Variants in SLC25A25 observed in about 807,000 individuals in gnomAD.
SLC25A25 encodes the protein solute carrier family 25 member 25.
Under a neutral mutation model 57.7 loss-of-function variants are expected in SLC25A25, and 32 were observed. The ratio of observed to expected loss-of-function variants is 0.55; its 90% CI spans 0.42 to 0.74. SLC25A25 has a LOEUF of 0.74. Ranked by LOEUF, SLC25A25 falls within the 30% of genes least tolerant of loss-of-function variation. The pLI is 0.00. For synonymous variants in SLC25A25, 306 were observed against 291.2 expected (o/e 1.05, Z -0.52); for missense variants, 556 against 701.3 (o/e 0.79, Z 2.34).
intron 1 of SLC25A25, among the ~76,000 whole-genome samples, chr9:128,100,081 C>CCCACCACTT (rs1252423909): frequency 2.0e-5 from 3 of 152,140 alleles, no homozygotes; most frequent in Non-Finnish European, 2.9e-5. Flanking sequence ...TTGCATCCCG[C>CCCACCACTT]CCACCACTTC....
chr9:128,102,445 C>T lies in SLC25A25; in HGVS notation c.588C>T (p.Asn196=). ...ACCACCTCCTCCACCCCGTGGAAAA[C>T]ATCCCCGAGATCATCCTCTACTGGA... is the stretch of plus-strand genomic sequence containing the variant. The part of the protein sequence containing the change: ...RDYHLLHPVE[N]IPEIILYWKH... Residue 196 remains asparagine, a synonymous_variant, in exon 5 of 11, where the codon AAC becomes AAT. Transcript: ENST00000373069. The surrounding 1 kb of genome is among the most constrained non-coding windows in gnomAD (Gnocchi z 4.1). 6.2e-7 allele frequency: 1 copy of T among 1,614,028 alleles called. No individual in the cohort carries two copies. The highest frequency in any genetic ancestry group is 8.5e-7 in the Non-Finnish European group (1 of 1,179,966).
Position 128,098,872 on chromosome 9 carries a change from C to T in SLC25A25, c.262-2224C>T, listed in dbSNP as rs544709597. The T allele has an allele frequency of 9.4e-6, 14 of 1,484,526 alleles. No homozygotes were observed. The East Asian group carries it at 2.1e-4, about 22-fold the overall frequency. The allele number at this position is 1,484,526 out of a possible 1,614,324, so 92.0% of individuals were successfully genotyped here. On this transcript the variant is annotated intron_variant, in intron 1 of 10. Transcript: ENST00000373069. ...TTTCCCATTGCCATGCGGCTATGGC[C>T]GGCACGTGTACGTCACAGGAGTGAC...
At chr9:128,088,619 A>G (rs527273785) in intron 1 of SLC25A25, among the ~76,000 whole-genome samples, 3 of 152,300 alleles carry the variant, frequency 2.0e-5, no homozygotes, top group Non-Finnish European at 2.9e-5. Context: ...CATTGTATAC[A>G]TTTCTCAGGA....
chr9:128,078,008 A>G (rs914408910), intron 1 of SLC25A25, among the ~76,000 whole-genome samples: 3 of 151,706 alleles, frequency 2.0e-5, no homozygotes, highest in Non-Finnish European at 4.4e-5. Flanking sequence ...TCTGGTCAAC[A>G]GAGTGAGACT....
chr9:128,093,012 T>C (rs1833454189), intron 1 of SLC25A25, among the ~76,000 whole-genome samples: 1 of 152,252 alleles, frequency 6.6e-6, no homozygotes, highest in Admixed American at 6.5e-5. Flanking sequence ...TCAATCTTTT[T>C]ACTTAGGAGA....
rs762703146 is a variant in SLC25A25, at chr9:128,106,404, C to T, written c.1096C>T (p.Leu366=). 3 of 1,613,642 alleles carry T rather than the reference C, an allele frequency of 1.9e-6. No individual in the cohort carries two copies. Among genetic ancestry groups the T allele is most frequent in the African/African-American group, 2.7e-5 (2 of 74,930 alleles). The change falls in exon 9 of 11, where the codon CTG becomes TTG. Residue 366 remains leucine, a synonymous_variant. Coordinates refer to ENST00000373069, the MANE Select transcript of SLC25A25 (RefSeq NM_001330988.2). ...LRKTGQYSGM[L]DCARRILARE... ...GAAGACAGGCCAGTACTCAGGAATGCTGGACTGCGCCAGGAGGATCCTGGC... is the reference window on the plus strand; with the variant it reads ...GAAGACAGGCCAGTACTCAGGAATGTTGGACTGCGCCAGGAGGATCCTGGC...
chr9:128,102,539 A>G lies in SLC25A25; in HGVS notation c.624+58A>G, dbSNP rs1588787210. On this transcript the variant is annotated intron_variant, in intron 5 of 10. Coordinates refer to ENST00000373069, the MANE Select transcript of SLC25A25 (RefSeq NM_001330988.2). This position sits in a 1 kb window ranked among gnomAD's most constrained non-coding sequence, Gnocchi z 4.1. ...TCCCAGGGACCCTTAGCCCAGAGTC[A>G]CCCAGTCGTCCCCATCCCAGAGTGC... The G allele has an allele frequency of 7.1e-7, 1 of 1,415,692 alleles. No homozygotes were observed. The allele number at this position is 1,415,692 out of a possible 1,614,324, so 87.7% of individuals were successfully genotyped here.
rs1834122017 is a variant in SLC25A25, at chr9:128,107,966, C to T, written c.*522C>T. 2 of 398,940 alleles carry T rather than the reference C, an allele frequency of 5.0e-6. No homozygotes were observed. The highest frequency in any genetic ancestry group is 2.1e-5 in the African/African-American group (1 of 48,650). 24.7% of individuals were successfully genotyped at this position (398,940 alleles called of 1,614,324 possible). ...GGTGAGGTCACGTGGCCTCCCAGGC[C>T]TGACTTCCCAACCTACAGCATTGAC... On this transcript the variant is annotated 3_prime_UTR_variant, in exon 11 of 11. Coordinates refer to ENST00000373069, the MANE Select transcript of SLC25A25 (RefSeq NM_001330988.2).
At position 128,101,162 on chromosome 9, in the gene SLC25A25, C is replaced by A; in HGVS notation, c.328C>A (p.Leu110Ile). The A allele has an allele frequency of 6.2e-7, 1 of 1,614,236 alleles. No homozygotes were observed. Among genetic ancestry groups the A allele is most frequent in the Non-Finnish European group, 8.5e-7 (1 of 1,180,054 alleles). The change falls in exon 2 of 11, where the codon CTC becomes ATC. Residue 110 changes from leucine (L) to isoleucine (I), a missense_variant. Leu to Ile is a conservative substitution (Grantham distance 5). This residue lies in a region of SLC25A25 where 248 missense variants were observed against 273.5 expected (regional missense o/e 0.91). Transcript: ENST00000373069. This position sits in a 1 kb window ranked among gnomAD's most constrained non-coding sequence, Gnocchi z 4.9. ...QLDFEEFVHY[L>I]QDHEKKLRLV... is the part of the protein sequence containing the mutation. ...AGACTTTGAAGAATTTGTCCATTAT[C>A]TCCAAGATCATGAGAAGAAGCTGAG... is the stretch of plus-strand genomic sequence containing the variant.
intron 1 of SLC25A25, among the ~76,000 whole-genome samples, chr9:128,088,478 GC>G: frequency 6.6e-6 from 1 of 152,312 alleles, no homozygotes; most frequent in East Asian, 1.9e-4. Flanking sequence ...GGCCTCCCCA[GC>G]CTCTCAGCCC....
At position 128,101,473 on chromosome 9, in the gene SLC25A25, T is replaced by G. The variant is rs1207904133; in HGVS notation, c.476+77T>G. ...CTCTGAGACTAACCCTCCGATGCCA[T>G]TCCCTGGGCTGACCCTGAACTTGGC... On this transcript the variant is annotated intron_variant, in intron 3 of 10. Coordinates refer to ENST00000373069, the MANE Select transcript of SLC25A25 (RefSeq NM_001330988.2). This position sits in a 1 kb window ranked among gnomAD's most constrained non-coding sequence, Gnocchi z 4.9. 6.0e-6 allele frequency: 9 copies of G among 1,499,316 alleles called. No homozygotes were observed. Among genetic ancestry groups the G allele is most frequent in the Non-Finnish European group, 7.3e-6 (8 of 1,089,590 alleles). 92.9% of individuals were successfully genotyped at this position (1,499,316 alleles called of 1,614,324 possible).
chr9:128,098,579 TG>T, intron 1 of SLC25A25: 1 of 1,614,074 alleles, frequency 6.2e-7, no homozygotes, highest in Non-Finnish European at 8.5e-7. Context: ...GCTCTGTCTG[TG>T]CCTGTATGTG....
intron 1 of SLC25A25, chr9:128,098,613 C>CTT: frequency 5.6e-6 from 9 of 1,614,114 alleles, no homozygotes; most frequent in Non-Finnish European, 7.6e-6. Flanking sequence ...GAAGCCCAGA[C>CTT]CGAGTTCCAG....
At chr9:128,080,231 AAAAAAAAAAACAAAAAAAC>A (rs1451670533) in intron 1 of SLC25A25, among the ~76,000 whole-genome samples, 1 of 98,954 alleles carries the variant, frequency 1.0e-5, no homozygotes, top group African/African-American at 3.2e-5. Context: ...ACCCCATCTA[AAAAAAAAAAACAAAAAAAC>A]AAAAAAAAAA....
In SLC25A25 at chr9:128,102,980, C is replaced by A. The variant is rs1833871191; in HGVS notation, c.624+499C>A. On this transcript the variant is annotated intron_variant, in intron 5 of 10. Transcript: ENST00000373069. The surrounding 1 kb of genome is among the most constrained non-coding windows in gnomAD (Gnocchi z 4.1). ...GTCTGTGCTGGTCTCTGCCCCGAGC[C>A]CTTCATGCTTGGCGTGTCCCTCTCT... is the stretch of plus-strand genomic sequence containing the variant. 6.6e-6 allele frequency among the ~76,000 whole-genome samples: 1 copy of A among 152,194 alleles called. No individual in the cohort carries two copies. The highest frequency in any genetic ancestry group is 2.4e-5 in the African/African-American group (1 of 41,442).
intron 1 of SLC25A25, among the ~76,000 whole-genome samples, chr9:128,086,480 T>G (rs1428035444): frequency 6.6e-6 from 1 of 152,050 alleles, no homozygotes; most frequent in African/African-American, 2.4e-5. Flanking sequence ...ATTATAGGCA[T>G]GTGCCACCAC....
chr9:128,102,326 GATGGGCATGTGGGCAC>G lies in SLC25A25; in HGVS notation c.513-43_513-28del. 2 of 1,557,544 alleles carry G rather than the reference GATGGGCATGTGGGCAC, an allele frequency of 1.3e-6. No individual in the cohort carries two copies. Among genetic ancestry groups the G allele is most frequent in the South Asian group, 2.2e-5 (2 of 89,356 alleles). On this transcript the variant is annotated intron_variant, in intron 4 of 10. Transcript: ENST00000373069. The surrounding 1 kb of genome is among the most constrained non-coding windows in gnomAD (Gnocchi z 4.1). The stretch of plus-strand genomic sequence containing the variant: ...GGGAGGTGGGGGGATGCAGCTGGCG[GATGGGCATGTGGGCAC>G]GTGGGCAGCCTCGCCTCTGTCTTGC...
chr9:128,068,291 C>CCGCGCCCGGAGCCCCTGCCT lies in SLC25A25; in HGVS notation c.-20_-1dup. 7.9e-7 allele frequency: 1 copy of CCGCGCCCGGAGCCCCTGCCT among 1,270,878 alleles called. No homozygotes were observed. The highest frequency in any genetic ancestry group is 2.4e-5 in the South Asian group (1 of 41,038). The allele number at this position is 1,270,878 out of a possible 1,614,324, so 78.7% of individuals were successfully genotyped here. ...GCCGGCCCGCCGCCCCCGCTCCCGC[C>CCGCGCCCGGAGCCCCTGCCT]CGCGCCCGGAGCCCCTGCCTCGCGC... On this transcript the variant is annotated 5_prime_UTR_variant, in exon 1 of 11. Coordinates refer to ENST00000373069, the MANE Select transcript of SLC25A25 (RefSeq NM_001330988.2).
At position 128,106,483 on chromosome 9, in the gene SLC25A25, TC is replaced by T. The variant is rs773599471; in HGVS notation, c.1176del (p.Ile393SerfsTer24). On this transcript the variant is annotated frameshift_variant, in exon 9 of 11. Coordinates refer to ENST00000373069, the MANE Select transcript of SLC25A25 (RefSeq NM_001330988.2). LOFTEE classifies it high-confidence loss of function. ...YKGYVPNMLG[I>X]IPYAGIDLAV... ...GGCTATGTCCCCAACATGCTGGGCA[TC>T]ATCCCCTATGCCGGCATCGACCTTG... is the stretch of plus-strand genomic sequence containing the variant. The T allele has an allele frequency of 6.2e-7, 1 of 1,611,630 alleles. No homozygotes were observed. Among genetic ancestry groups the T allele is most frequent in the African/African-American group, 1.3e-5 (1 of 74,886 alleles).
Sources: gnomAD v4.1 joint callset for allele counts (sites outside exome capture counted in the v4.1 genomes callset) on GRCh38, gnomAD v4.1.1 for gene constraint, gnomAD v4.1.1 regional missense constraint, Gnocchi (gnomAD v3.1) non-coding constraint, MANE v1.5 for transcripts, NCBI Gene and HGNC (gene_info 2026-07-23, HGNC 2026-07-21) for gene names.